PTPRD: variants seen among roughly 807,000 people sequenced by gnomAD.
PTPRD encodes receptor-type tyrosine-protein phosphatase delta.
A neutral mutation model predicts 214.5 loss-of-function variants in PTPRD; 34 were observed. That is an observed-to-expected ratio of 0.16 (90% CI 0.12 to 0.21). PTPRD has a LOEUF of 0.21. PTPRD is among the 10% of genes least tolerant of loss of function. PTPRD has a pLI of 1.00. For synonymous variants in PTPRD, 1,128 were observed against 845.7 expected, an observed-to-expected ratio of 1.33 and a Z score of -5.79; for missense variants, 2,545 against 2,398.7, an observed-to-expected ratio of 1.06 and a Z score of -1.27.
intron 8 of PTPRD, among the ~76,000 whole-genome samples, chr9:9,418,858 G>T (rs1273556351): frequency 6.6e-6 from 1 of 151,884 alleles, no homozygotes; most frequent in African/African-American, 2.4e-5. Context: ...GATTAATTTT[G>T]CATGGAACTT....
intron 4 of PTPRD, among the ~76,000 whole-genome samples, chr9:9,974,070 G>C (rs1457440008): frequency 6.6e-6 from 1 of 152,146 alleles, no homozygotes; most frequent in Non-Finnish European, 1.5e-5. Context: ...TATGGAAACA[G>C]CTTTTATTTC....
At chr9:8,824,552 T>G (rs941975515) in intron 11 of PTPRD, among the ~76,000 whole-genome samples, 1 of 152,088 alleles carries the variant, frequency 6.6e-6, no homozygotes, top group Non-Finnish European at 1.5e-5. Context: ...TTTGTATTCT[T>G]ATACAAAGAG....
intron 37 of PTPRD, among the ~76,000 whole-genome samples, chr9:8,383,660 T>C (rs147574631): frequency 1.3e-5 from 2 of 152,300 alleles, no homozygotes; most frequent in African/African-American, 2.4e-5. Context: ...TCACTACTAA[T>C]TGGCACAGCC....
intron 11 of PTPRD, among the ~76,000 whole-genome samples, chr9:8,939,184 T>G (rs2099016013): frequency 1.3e-5 from 2 of 152,196 alleles, no homozygotes; most frequent in Non-Finnish European, 2.9e-5. Flanking sequence ...TATTGTTTAT[T>G]GCCACTGAAA....
chr9:8,530,034 T>C (rs946020816), intron 14 of PTPRD, among the ~76,000 whole-genome samples: 3 of 152,034 alleles, frequency 2.0e-5, no homozygotes, highest in Admixed American at 6.6e-5. Context: ...AGCAGAACAT[T>C]AGATATCATC....
At position 9,547,114 on chromosome 9, in the gene PTPRD, A is replaced by T. The variant is rs1456282083; in HGVS notation, c.-237+27618T>A. On this transcript the variant is annotated intron_variant, in intron 8 of 45. Coordinates refer to ENST00000381196, the MANE Select transcript of PTPRD (RefSeq NM_002839.4). ...CTCTACAAAAACCATAAAATTGCAC[A>T]AATGCCATACCAAACTTACACAAAA... Among the ~76,000 whole-genome samples the T allele has an allele frequency of 3.3e-5, 5 of 152,076 alleles. 1 individual carries two copies. The highest frequency in any genetic ancestry group is 1.2e-4 in the African/African-American group (5 of 41,454).
chr9:9,581,186 A>G (rs2090660437), intron 7 of PTPRD, among the ~76,000 whole-genome samples: 2 of 152,128 alleles, frequency 1.3e-5, no homozygotes, highest in African/African-American at 2.4e-5. Context: ...ATTATAATTA[A>G]TTTTAGATAG....
chr9:9,436,379 C>A (rs1455782376), intron 8 of PTPRD, among the ~76,000 whole-genome samples: 1 of 152,030 alleles, frequency 6.6e-6, no homozygotes. Context: ...CTCTGCTTCT[C>A]AGGGGAAAAG....
intron 2 of PTPRD, among the ~76,000 whole-genome samples, chr9:10,597,323 T>G (rs776649320): frequency 4.0e-5 from 6 of 151,874 alleles, no homozygotes; most frequent in African/African-American, 7.2e-5. Flanking sequence ...ATATTTTATT[T>G]GATTTTATTT....
chr9:9,023,933 G>T (rs532667532), intron 10 of PTPRD, among the ~76,000 whole-genome samples: 1 of 149,994 alleles, frequency 6.7e-6, no homozygotes, highest in African/African-American at 2.5e-5. Flanking sequence ...TCTCATCTTC[G>T]GTTAAGATTA....
chr9:8,932,939 T>C (rs1039529768), intron 11 of PTPRD, among the ~76,000 whole-genome samples: 2 of 152,100 alleles, frequency 1.3e-5, no homozygotes, highest in African/African-American at 2.4e-5. Flanking sequence ...TGCAGCTAGC[T>C]TGGTGTCTGC....
rs369870578 is a variant in PTPRD, at chr9:9,932,880, C to A, written c.-368+5627G>T. ...CCCATCAGACTAACAGCAGATCTCT[C>A]GGCAGAAACCCTACCAGCCAGAAAA... On this transcript the variant is annotated intron_variant, in intron 5 of 45. Transcript: ENST00000381196. 2.3e-5 allele frequency among the ~76,000 whole-genome samples: 3 copies of A among 130,544 alleles called. 1 individual carries two copies. Among genetic ancestry groups the A allele is most frequent in the African/African-American group, 8.2e-5 (3 of 36,786 alleles). 85.6% of individuals were successfully genotyped at this position (130,544 alleles called of 152,430 possible).
At chr9:8,789,855 G>C (rs940189700) in intron 11 of PTPRD, among the ~76,000 whole-genome samples, 2 of 152,092 alleles carry the variant, frequency 1.3e-5, no homozygotes, top group African/African-American at 4.8e-5. Context: ...AAAACATTTA[G>C]AAAAGACTAG....
At chr9:9,833,323 A>G (rs2055577512) in intron 5 of PTPRD, among the ~76,000 whole-genome samples, 3 of 151,972 alleles carry the variant, frequency 2.0e-5, no homozygotes, top group Admixed American at 2.0e-4. Context: ...GATGCCCCAC[A>G]AGCCACAAAA....
At chr9:9,526,191 A>G (rs1178430116) in intron 8 of PTPRD, among the ~76,000 whole-genome samples, 2 of 152,190 alleles carry the variant, frequency 1.3e-5, no homozygotes, top group African/African-American at 2.4e-5. Context: ...TTATTGTTCT[A>G]TACTCTGATA....
chr9:10,497,524 A>G (rs935456641), intron 2 of PTPRD, among the ~76,000 whole-genome samples: 6 of 152,080 alleles, frequency 3.9e-5, no homozygotes, highest in African/African-American at 1.4e-4. Context: ...ATATAAATGT[A>G]GTTCAAACAT....
At chr9:8,350,608 A>G (rs960788054) in intron 39 of PTPRD, among the ~76,000 whole-genome samples, 1 of 152,168 alleles carries the variant, frequency 6.6e-6, no homozygotes, top group African/African-American at 2.4e-5. Flanking sequence ...ATCAACATTT[A>G]ACTTTATAAG....
intron 6 of PTPRD, among the ~76,000 whole-genome samples, chr9:9,736,393 T>G (rs1170536580): frequency 6.6e-6 from 1 of 152,086 alleles, no homozygotes; most frequent in Non-Finnish European, 1.5e-5. Context: ...CCTATAGTAT[T>G]CCATTGGATA....
At chr9:10,511,936 A>ATATATATGTGTG in intron 2 of PTPRD, among the ~76,000 whole-genome samples, 1 of 110,532 alleles carries the variant, frequency 9.0e-6, no homozygotes, top group Non-Finnish European at 1.9e-5. Flanking sequence ...ATATACGTGT[A>ATATATATGTGTG]TATATATATA....
Sources: gnomAD v4.1 joint callset for allele counts (sites outside exome capture counted in the v4.1 genomes callset) on GRCh38, gnomAD v4.1.1 for gene constraint, MANE v1.5 for transcripts, NCBI Gene and HGNC (gene_info 2026-07-23, HGNC 2026-07-21) for gene names.